The following DOK5 variants were observed in gnomAD, a reference collection of about 807,000 sequenced individuals.
DOK5 encodes downstream of tyrosine kinase 5.
DOK5 carries 27 observed loss-of-function variants against 43.3 expected under a neutral mutation model. The ratio of observed to expected loss-of-function variants is 0.62; its 90% confidence interval spans 0.46 to 0.86. DOK5 has a LOEUF of 0.86. Among genes scored for constraint, DOK5 ranks in the 40% least tolerant of loss-of-function variants. The pLI is 0.00. For synonymous variants in DOK5, 146 were observed against 140.1 expected (o/e 1.04, Z -0.30); for missense variants, 373 against 392.9 (o/e 0.95, Z 0.43).
At chr20:54,528,301 C>A (rs1320914207) in intron 1 of DOK5, among the ~76,000 whole-genome samples, 1 of 151,736 alleles carries the variant, frequency 6.6e-6, no homozygotes, top group African/African-American at 2.4e-5. Flanking sequence ...CTGCAGATAC[C>A]CTCAAACTCA....
In DOK5 at chr20:54,554,979, G is replaced by T. The variant is rs763634222; in HGVS notation, c.113G>T (p.Gly38Val). The T allele has an allele frequency of 1.2e-6, 2 of 1,613,988 alleles. No individual in the cohort carries two copies. The highest frequency in any genetic ancestry group is 2.2e-5 in the South Asian group (2 of 91,072). ...GTATTCAAGAAAGCTTCAAGCAAAG[G>T]TCCAAAAAGACTGGAGAAATTTTCT... ...WLVFKKASSK[G>V]PKRLEKFSDE... Residue 38 changes from glycine (G) to valine (V), a missense_variant, in exon 2 of 8, where the codon GGT becomes GTT. Transcript: ENST00000262593.
At chr20:54,573,223 A>G (rs1248294381) in intron 2 of DOK5, among the ~76,000 whole-genome samples, 1 of 152,200 alleles carries the variant, frequency 6.6e-6, no homozygotes, top group African/African-American at 2.4e-5. Flanking sequence ...CACTGATGGT[A>G]GGGTGAGAGT....
intron 5 of DOK5, among the ~76,000 whole-genome samples, chr20:54,594,766 C>T (rs1986085571): frequency 6.6e-6 from 1 of 152,014 alleles, no homozygotes; most frequent in African/African-American, 2.4e-5. Context: ...CCTTAGTAAA[C>T]TTTATTAGTA....
At chr20:54,562,055 G>C (rs1024787367) in intron 2 of DOK5, among the ~76,000 whole-genome samples, 1 of 152,190 alleles carries the variant, frequency 6.6e-6, no homozygotes, top group African/African-American at 2.4e-5. Context: ...ATGCACTCTG[G>C]GTAGGGAATT....
Position 54,610,306 on chromosome 20 carries a change from C to T in DOK5, c.600-82C>T, listed in dbSNP as rs878895628. ...ATAAAAAATAATAAATGGGCGCAGC[C>T]TAATGGAGTATGCCAGGATCTTGGT... On this transcript the variant is annotated intron_variant, in intron 5 of 7. Coordinates refer to ENST00000262593, the MANE Select transcript of DOK5 (RefSeq NM_018431.5). 26 of 1,339,138 alleles carry T rather than the reference C, an allele frequency of 1.9e-5. No homozygotes were observed. In the South Asian group the frequency reaches 5.0e-4, roughly 26 times the overall value. The allele number at this position is 1,339,138 out of a possible 1,614,324, so 83.0% of individuals were successfully genotyped here.
intron 1 of DOK5, among the ~76,000 whole-genome samples, chr20:54,497,090 T>G (rs1446023297): frequency 5.3e-5 from 8 of 152,188 alleles, no homozygotes; most frequent in Non-Finnish European, 1.0e-4. Context: ...ACAATATCAA[T>G]AATTATGGCT....
chr20:54,497,991 C>T (rs553123521), intron 1 of DOK5, among the ~76,000 whole-genome samples: 9 of 152,044 alleles, frequency 5.9e-5, no homozygotes, highest in South Asian at 2.1e-4. Context: ...TTTGAAAATC[C>T]CTTCTCTATG....
At position 54,650,597 on chromosome 20, in the gene DOK5, C is replaced by A; in HGVS notation, c.*118C>A. ...CAAGAGAAGAAGCTTAAAGTCCTGG[C>A]TAATTGTGTGGTCATTGGAAAACTC... On this transcript the variant is annotated 3_prime_UTR_variant, in exon 8 of 8. Transcript: ENST00000262593. The A allele has an allele frequency of 2.2e-6, 2 of 888,998 alleles. No homozygotes were observed. Among genetic ancestry groups the A allele is most frequent in the Non-Finnish European group, 3.5e-6 (2 of 576,170 alleles). 55.1% of individuals were successfully genotyped at this position (888,998 alleles called of 1,614,324 possible).
At chr20:54,552,609 T>C (rs1406050226) in intron 1 of DOK5, among the ~76,000 whole-genome samples, 8 of 152,170 alleles carry the variant, frequency 5.3e-5, no homozygotes, top group Admixed American at 5.2e-4. Flanking sequence ...TATAGATAAG[T>C]AGATATATTA....
chr20:54,489,986 G>A (rs982953493), intron 1 of DOK5, among the ~76,000 whole-genome samples: 3 of 152,138 alleles, frequency 2.0e-5, no homozygotes, highest in East Asian at 1.9e-4. Context: ...CCTTTTCAAC[G>A]TTTTGCTAGT....
chr20:54,503,547 G>A (rs1299737060), intron 1 of DOK5, among the ~76,000 whole-genome samples: 2 of 152,084 alleles, frequency 1.3e-5, no homozygotes, highest in African/African-American at 4.8e-5. Context: ...TGTGTGAATA[G>A]TTTTCACTGT....
chr20:54,514,586 CTTTTTT>C (rs199776939), intron 1 of DOK5, among the ~76,000 whole-genome samples: 8 of 100,966 alleles, frequency 7.9e-5, no homozygotes, highest in African/African-American at 3.3e-4. Flanking sequence ...AAGTTTTACT[CTTTTTT>C]TTTTTTTTTT....
At chr20:54,560,673 C>T (rs370842636) in intron 2 of DOK5, among the ~76,000 whole-genome samples, 26 of 152,096 alleles carry the variant, frequency 1.7e-4, no homozygotes, top group South Asian at 1.0e-3. Flanking sequence ...CAGGCTGGAG[C>T]GCAATGGCAC....
chr20:54,620,220 T>C (rs945229347), intron 6 of DOK5, among the ~76,000 whole-genome samples: 1 of 152,164 alleles, frequency 6.6e-6, no homozygotes, highest in African/African-American at 2.4e-5. Flanking sequence ...TAAAGCATAA[T>C]TTGTTTTCAT....
intron 6 of DOK5, among the ~76,000 whole-genome samples, chr20:54,631,085 T>G (rs1170522077): frequency 2.6e-5 from 4 of 152,210 alleles, no homozygotes; most frequent in Non-Finnish European, 5.9e-5. Context: ...AATGATGCTG[T>G]AGAAGACAGT....
At chr20:54,480,956 A>G (rs1981655674) in intron 1 of DOK5, among the ~76,000 whole-genome samples, 2 of 120,368 alleles carry the variant, frequency 1.7e-5, no homozygotes, top group African/African-American at 8.1e-5. Flanking sequence ...TCTATCATCT[A>G]TCTATCATCT....
intron 5 of DOK5, among the ~76,000 whole-genome samples, chr20:54,606,403 G>T (rs1275865514): frequency 1.3e-5 from 2 of 152,166 alleles, no homozygotes; most frequent in Non-Finnish European, 2.9e-5. Flanking sequence ...TAAAGAGAAA[G>T]GAGGAATCGG....
rs897704557 is a variant in DOK5 at position 54,504,246 on chromosome 20, C to T, written c.66+28234C>T. 5.9e-5 allele frequency among the ~76,000 whole-genome samples: 9 copies of T among 152,288 alleles called. No homozygotes were observed. The East Asian group carries it at 9.6e-4, about 16-fold the overall frequency. Reference sequence around the variant, plus strand: ...ACCTTTGTCCACCTTCTAGATCTCGCGGTCCACCCTAATTCTGACCTGTGC... The same window carrying T: ...ACCTTTGTCCACCTTCTAGATCTCGTGGTCCACCCTAATTCTGACCTGTGC... On this transcript the variant is annotated intron_variant, in intron 1 of 7. Coordinates refer to ENST00000262593, the MANE Select transcript of DOK5 (RefSeq NM_018431.5).
At chr20:54,568,983 C>A (rs1404719761) in intron 2 of DOK5, among the ~76,000 whole-genome samples, 22 of 96,182 alleles carry the variant, frequency 2.3e-4, no homozygotes, top group African/African-American at 4.1e-4. Context: ...GACTAAAACG[C>A]AAAAAAAAAA....
Sources: allele counts gnomAD v4.1 joint callset (sites outside exome capture counted in the v4.1 genomes callset), GRCh38; gene constraint gnomAD v4.1.1; transcripts MANE v1.5; gene names NCBI Gene and HGNC (gene_info 2026-07-23, HGNC 2026-07-21).